PTHLH: variants seen among roughly 807,000 people sequenced by gnomAD.
The protein encoded by PTHLH is parathyroid hormone-related protein.
Under a neutral mutation model 18.6 loss-of-function variants are expected in PTHLH, and 5 were observed. That is an observed-to-expected ratio of 0.27 (90% CI 0.14 to 0.56). PTHLH has a LOEUF of 0.56. Ranked by LOEUF, PTHLH falls within the 20% of genes least tolerant of loss-of-function variation. PTHLH has a pLI of 0.92. For synonymous variants in PTHLH, 90 were observed against 94.0 expected (o/e 0.96, Z 0.25); for missense variants, 207 against 223.9 (o/e 0.92, Z 0.48).
chr12:27,972,341 C>T (rs1008001245), intron 1 of PTHLH, among the ~76,000 whole-genome samples, 182 bp downstream of exon 1: 1 of 152,008 alleles, frequency 6.6e-6, no homozygotes, highest in African/African-American at 2.4e-5. Flanking sequence ...ACAAAATTAA[C>T]CCCCCACTCC....
In PTHLH at chr12:27,972,023, T is replaced by TAAAAAA. The variant is rs71450770; in HGVS notation, c.-358-10_-358-5dup. ...CGTTAGATCTGAAGGGGGAAATCTG[T>TAAAAAA]AAAAAAAAAAAAAAAAAAAAAAAAA... is the stretch of plus-strand genomic sequence containing the variant. On this transcript the variant is annotated splice_region_variant and splice_polypyrimidine_tract_variant and intron_variant, in intron 1 of 5. Coordinates refer to ENST00000545234, the MANE Select transcript of PTHLH (RefSeq NM_198965.2). 5.4e-5 allele frequency: 3 copies of TAAAAAA among 55,350 alleles called. No individual in the cohort carries two copies. Among genetic ancestry groups the TAAAAAA allele is most frequent in the Non-Finnish European group, 1.1e-4 (3 of 28,018 alleles). 3.4% of individuals were successfully genotyped at this position (55,350 alleles called of 1,614,324 possible).
intron 4 of PTHLH, among the ~76,000 whole-genome samples, chr12:27,966,184 C>T (rs2062811268): frequency 6.6e-6 from 1 of 152,208 alleles, no homozygotes; most frequent in Non-Finnish European, 1.5e-5. Context: ...TGCATTTTCC[C>T]AGGATAGTTC....
At chr12:27,958,630 A>G (rs182424953) in intron 5 of PTHLH, 62 bp from the exon 6 acceptor site, 67 of 1,464,936 alleles carry the variant, frequency 4.6e-5, no homozygotes, top group Non-Finnish European at 6.0e-5. Context: ...ACAAATGAAA[A>G]CATAAAATAT....
chr12:27,964,031 C>G (rs985581560), intron 4 of PTHLH, among the ~76,000 whole-genome samples: 7 of 152,086 alleles, frequency 4.6e-5, no homozygotes, highest in African/African-American at 1.7e-4. Context: ...TCTTGGGCCT[C>G]ATGGGCTTCA....
At chr12:27,964,234 T>TTCTCTCTCTCTC (rs60461766) in intron 4 of PTHLH, among the ~76,000 whole-genome samples, 1 of 144,558 alleles carries the variant, frequency 6.9e-6, no homozygotes, top group Non-Finnish European at 1.5e-5. Context: ...TACCTGAGTA[T>TTCTCTCTCTCTC]TCTCTCTCTC....
chr12:27,962,936 TGAAG>T (rs1188476065), intron 5 of PTHLH: 3 of 1,102,774 alleles, frequency 2.7e-6, no homozygotes, highest in Non-Finnish European at 1.1e-6. Flanking sequence ...TATTCTCCCT[TGAAG>T]TGAAAGAACG....
At chr12:27,961,406 T>C (rs1000726240) in intron 5 of PTHLH, among the ~76,000 whole-genome samples, 1 of 146,838 alleles carries the variant, frequency 6.8e-6, no homozygotes, top group Non-Finnish European at 1.5e-5. Flanking sequence ...AGGTAGAGGA[T>C]ACAATCAGAA....
chr12:27,966,817 G>GT (rs2062818392), intron 4 of PTHLH, among the ~76,000 whole-genome samples: 1 of 152,148 alleles, frequency 6.6e-6, no homozygotes. Context: ...CTCCAAGGGA[G>GT]TTTTTAGGGA....
Position 27,958,543 on chromosome 12 carries a change from G to A in PTHLH, c.*16C>T, listed in dbSNP as rs778352486. 1 of 1,572,296 alleles carries A rather than the reference G, an allele frequency of 6.4e-7. No individual in the cohort carries two copies. The highest frequency in any genetic ancestry group is 8.6e-7 in the Non-Finnish European group (1 of 1,156,392). On this transcript the variant is annotated 3_prime_UTR_variant, in exon 6 of 6. Coordinates refer to ENST00000545234, the MANE Select transcript of PTHLH (RefSeq NM_198965.2). ...GAATCCTGCAATATGTCCTTGGAAG[G>A]TCTCTGCTGAAAATTTCAATGCCTC...
chr12:27,965,438 A>C (rs1301253633), intron 4 of PTHLH, among the ~76,000 whole-genome samples: 2 of 152,248 alleles, frequency 1.3e-5, no homozygotes, highest in Non-Finnish European at 2.9e-5. Context: ...ATTGCCCAGA[A>C]AGTTCATTTT....
chr12:27,960,067 G>A (rs759391389), intron 5 of PTHLH, among the ~76,000 whole-genome samples: 7 of 152,206 alleles, frequency 4.6e-5, no homozygotes, highest in Non-Finnish European at 7.3e-5. Flanking sequence ...CTGCTCAGAT[G>A]TTTGCTCATT....
chr12:27,958,427 G>A lies in PTHLH; in HGVS notation c.*132C>T. On this transcript the variant is annotated 3_prime_UTR_variant, in exon 6 of 6. Coordinates refer to ENST00000545234, the MANE Select transcript of PTHLH (RefSeq NM_198965.2). Reference sequence around the variant, plus strand: ...ACAATGACCAATGTGCAGTTTCATAGAGCAATGGGGGAGACAGTTTTATTC... The same window carrying A: ...ACAATGACCAATGTGCAGTTTCATAAAGCAATGGGGGAGACAGTTTTATTC... The A allele has an allele frequency of 1.2e-6, 1 of 803,176 alleles. No homozygotes were observed. Among genetic ancestry groups the A allele is most frequent in the Non-Finnish European group, 1.8e-6 (1 of 555,386 alleles). The allele number at this position is 803,176 out of a possible 1,614,324, so 49.8% of individuals were successfully genotyped here.
intron 4 of PTHLH, among the ~76,000 whole-genome samples, chr12:27,964,850 T>C (rs2062797916): frequency 6.6e-6 from 1 of 152,240 alleles, no homozygotes; most frequent in African/African-American, 2.4e-5. Context: ...ATTTTGTGTA[T>C]ATTATTAACC....
At chr12:27,970,304 C>T (rs1258895430) in intron 2 of PTHLH, 37 bp from the exon 3 acceptor site, 1 of 246,466 alleles carries the variant, frequency 4.1e-6, no homozygotes, top group Non-Finnish European at 8.3e-6. Flanking sequence ...AGAGGTGGCG[C>T]CCTAGGAACG....
intron 5 of PTHLH, among the ~76,000 whole-genome samples, chr12:27,961,300 C>CAA (rs1565520065): frequency 1.6e-4 from 2 of 12,706 alleles, no homozygotes; most frequent in South Asian, 1.7e-3. Context: ...TATATATATA[C>CAA]GTATATATAT....
intron 4 of PTHLH, chr12:27,969,177 G>T (rs1198710271): frequency 1.7e-6 from 1 of 585,748 alleles, no homozygotes; most frequent in East Asian, 2.8e-5. Flanking sequence ...CACACATAAA[G>T]TCTCTCTCTT....
At chr12:27,960,812 C>G (rs2062746905) in intron 5 of PTHLH, among the ~76,000 whole-genome samples, 1 of 151,814 alleles carries the variant, frequency 6.6e-6, no homozygotes, top group South Asian at 2.1e-4. Context: ...TCTTGGTTCA[C>G]CATGTAACAA....
At chr12:27,970,406 C>G (rs1565526208) in intron 2 of PTHLH, 139 bp from the exon 3 acceptor site, 1 of 148,616 alleles carries the variant, frequency 6.7e-6, no homozygotes, top group Non-Finnish European at 1.5e-5. Flanking sequence ...CCCCGCGCCG[C>G]CCGAGCGAGT....
rs753187634 is a variant in PTHLH at position 27,963,639 on chromosome 12, A to G, written c.233T>C (p.Val78Ala). Residue 78 changes from valine to alanine, a missense_variant, in exon 5 of 6, where the codon GTG becomes GCG. Transcript: ENST00000545234. Reference protein sequence around the residue: ...HTAEIRATSEVSPNSKPSPNT... With the variant: ...HTAEIRATSEASPNSKPSPNT... ...GGGAGAGGGCTTGGAGTTAGGGGACACCTCCGAGGTAGCTCTGATTTCAGC... is the reference window on the plus strand; with the variant it reads ...GGGAGAGGGCTTGGAGTTAGGGGACGCCTCCGAGGTAGCTCTGATTTCAGC... 5.0e-5 allele frequency: 81 copies of G among 1,613,818 alleles called. No individual in the cohort carries two copies. Among genetic ancestry groups the G allele is most frequent in the Non-Finnish European group, 6.8e-5 (80 of 1,180,000 alleles).
Sources: allele counts gnomAD v4.1 joint callset (sites outside exome capture counted in the v4.1 genomes callset), GRCh38; gene constraint gnomAD v4.1.1; transcripts MANE v1.5; gene names NCBI Gene and HGNC (gene_info 2026-07-23, HGNC 2026-07-21).